LSAMP: variants seen among roughly 807,000 people sequenced by gnomAD.
LSAMP encodes limbic system associated membrane protein.
A neutral mutation model predicts 38.6 loss-of-function variants in LSAMP; 7 were observed. The observed-to-expected ratio is 0.18, with a 90% CI of 0.10 to 0.34. The LOEUF is 0.34. Among genes scored for constraint, LSAMP ranks in the 10% least tolerant of loss-of-function variants. LSAMP has a pLI of 1.00. For synonymous variants in LSAMP, 154 were observed against 166.8 expected (o/e 0.92, Z 0.59); for missense variants, 313 against 420.0 (o/e 0.75, Z 2.23).
At chr3:115,908,996 C>T (rs1030831794) in intron 3 of LSAMP, among the ~76,000 whole-genome samples, 13 of 152,166 alleles carry the variant, frequency 8.5e-5, no homozygotes, top group African/African-American at 3.1e-4. Context: ...ATTTAGATAA[C>T]ATAACTTTTG....
At chr3:115,953,153 A>T (rs1456533535) in intron 3 of LSAMP, among the ~76,000 whole-genome samples, 1 of 152,098 alleles carries the variant, frequency 6.6e-6, no homozygotes, top group Non-Finnish European at 1.5e-5. Context: ...TCGTGTTTGC[A>T]TCTCAGATGT....
intron 1 of LSAMP, among the ~76,000 whole-genome samples, chr3:116,169,542 T>C (rs867012358): frequency 1.3e-5 from 2 of 152,160 alleles, no homozygotes; most frequent in African/African-American, 2.4e-5. Context: ...CAGTGAACAA[T>C]ACACAGCCCT....
chr3:116,273,707 T>TATATATATATATATATACACAC (rs1307543165), intron 1 of LSAMP, among the ~76,000 whole-genome samples: 27 of 102,592 alleles, frequency 2.6e-4, no homozygotes, highest in African/African-American at 7.5e-4. Flanking sequence ...TATATATATA[T>TATATATATATATATATACACAC]ACACACACAC....
Position 116,011,511 on chromosome 3 carries a change from G to A in LSAMP, c.514+8004C>T, listed in dbSNP as rs540369737. On this transcript the variant is annotated intron_variant, in intron 3 of 6. Transcript: ENST00000490035. ...TGATCACTTGAATTAGGCATTTAAT[G>A]TCATGTTAAGTAGTTTGAACTTTAT... Among the ~76,000 whole-genome samples, 16 of 152,158 alleles carry A rather than the reference G, an allele frequency of 1.1e-4. No homozygotes were observed. In the East Asian group the frequency reaches 3.1e-3, roughly 29 times the overall value.
chr3:116,406,490 C>CT (rs1414654741), intron 1 of LSAMP, among the ~76,000 whole-genome samples: 3 of 151,946 alleles, frequency 2.0e-5, no homozygotes, highest in Non-Finnish European at 2.9e-5. Flanking sequence ...CTCTGAGCCT[C>CT]TTTTTTTACT....
intron 4 of LSAMP, among the ~76,000 whole-genome samples, chr3:115,843,176 A>C (rs1935048860): frequency 6.6e-6 from 1 of 152,192 alleles, no homozygotes; most frequent in Non-Finnish European, 1.5e-5. Context: ...AGGTAAATTT[A>C]GCTTTTATGT....
intron 3 of LSAMP, among the ~76,000 whole-genome samples, chr3:115,960,428 G>T (rs1322109097): frequency 6.6e-6 from 1 of 152,114 alleles, no homozygotes; most frequent in African/African-American, 2.4e-5. Flanking sequence ...CAGAGAACAG[G>T]CTTTTCTCTA....
chr3:115,982,686 C>T (rs1939397030), intron 3 of LSAMP, among the ~76,000 whole-genome samples: 1 of 152,062 alleles, frequency 6.6e-6, no homozygotes, highest in Admixed American at 6.6e-5. Flanking sequence ...AGCCTCCATC[C>T]CCCATTCCTC....
intron 1 of LSAMP, among the ~76,000 whole-genome samples, chr3:116,243,892 A>G (rs1377831965): frequency 6.6e-6 from 1 of 152,182 alleles, no homozygotes; most frequent in Non-Finnish European, 1.5e-5. Flanking sequence ...TTGTATTTCT[A>G]AATTATTAAT....
chr3:115,861,154 C>T (rs28438977), intron 3 of LSAMP, among the ~76,000 whole-genome samples: 19 of 68,588 alleles, frequency 2.8e-4, no homozygotes, highest in African/African-American at 1.1e-3. Flanking sequence ...TCCTTCCTTC[C>T]TTCCTTCCTT....
chr3:115,822,017 C>T (rs896869134), intron 6 of LSAMP, among the ~76,000 whole-genome samples: 4 of 152,194 alleles, frequency 2.6e-5, no homozygotes, highest in East Asian at 3.8e-4. Flanking sequence ...ACTTTGAAAG[C>T]TATTAACTTC....
At chr3:116,244,019 C>T (rs963156285) in intron 1 of LSAMP, among the ~76,000 whole-genome samples, 1 of 152,140 alleles carries the variant, frequency 6.6e-6, no homozygotes, top group Admixed American at 6.5e-5. Flanking sequence ...TAGTAGGTTT[C>T]CTAAACTTTT....
At position 116,026,927 on chromosome 3, in the gene LSAMP, GAACAT is replaced by G. The variant is rs34077565; in HGVS notation, c.389-7292_389-7288del. Among the ~76,000 whole-genome samples, 1,412 of 152,298 alleles carry G rather than the reference GAACAT, an allele frequency of 9.3e-3. 22 individuals carry two copies. Among genetic ancestry groups the G allele is most frequent in the African/African-American group, 0.03 (1,263 of 41,552 alleles). On this transcript the variant is annotated intron_variant, in intron 2 of 6. Transcript: ENST00000490035. Reference sequence around the variant, plus strand: ...TATGCCTCTGCCATTGCCACGAGAAGAACATACTCAGCTGAGCCTCTTAATCCCAG... The same window carrying G: ...TATGCCTCTGCCATTGCCACGAGAAGACTCAGCTGAGCCTCTTAATCCCAG...
At chr3:115,816,215 T>A (rs1397803954) in intron 6 of LSAMP, among the ~76,000 whole-genome samples, 1 of 152,112 alleles carries the variant, frequency 6.6e-6, no homozygotes, top group East Asian at 1.9e-4. Flanking sequence ...TTAGGGTCTG[T>A]TTTATGAAGC....
intron 1 of LSAMP, among the ~76,000 whole-genome samples, chr3:116,104,414 AT>A (rs1053064639): frequency 3.3e-5 from 5 of 151,556 alleles, no homozygotes; most frequent in Non-Finnish European, 7.4e-5. Context: ...AAAAAAAAAA[AT>A]CAACCACCCA....
chr3:116,036,185 T>C (rs1941041202), intron 2 of LSAMP, among the ~76,000 whole-genome samples: 1 of 152,298 alleles, frequency 6.6e-6, no homozygotes, highest in South Asian at 2.1e-4. Flanking sequence ...AACTTTTATT[T>C]AGGAGTGTAT....
intron 1 of LSAMP, among the ~76,000 whole-genome samples, chr3:116,346,327 CTT>C (rs11391341): frequency 2.1e-5 from 3 of 142,278 alleles, no homozygotes; most frequent in African/African-American, 5.1e-5. Flanking sequence ...TTAGTTTTAT[CTT>C]TTTTTTTTTT....
At chr3:115,848,713 G>A (rs1182931248) in intron 4 of LSAMP, among the ~76,000 whole-genome samples, 15 of 152,206 alleles carry the variant, frequency 9.9e-5, no homozygotes, top group Admixed American at 9.8e-4. Context: ...TGAATTCAAA[G>A]AGACAGACAA....
chr3:115,841,961 C>T lies in LSAMP; in HGVS notation c.803G>A (p.Ser268Asn), dbSNP rs1302093261. The change falls in exon 6 of 7, where the codon AGC becomes AAC. Residue 268 changes from serine (S) to asparagine (N), a missense_variant. By Grantham distance (46) the Ser-to-Asn change is conservative (BLOSUM62 1). Coordinates refer to ENST00000490035, the MANE Select transcript of LSAMP (RefSeq NM_002338.5). Reference protein sequence around the residue: ...INSANGLEIKSTEGQSSLTVT... With the variant: ...INSANGLEIKNTEGQSSLTVT... ...CGTCAGGGAAGACTGGCCCTCCGTG[C>T]TCTTAATCTCAAGGCCATTGGCACT... is the stretch of plus-strand genomic sequence containing the variant. The T allele has an allele frequency of 6.2e-7, 1 of 1,613,420 alleles. No individual in the cohort carries two copies. Among genetic ancestry groups the T allele is most frequent in the Non-Finnish European group, 8.5e-7 (1 of 1,179,966 alleles).
Sources: allele counts gnomAD v4.1 joint callset (sites outside exome capture counted in the v4.1 genomes callset), GRCh38; gene constraint gnomAD v4.1.1; transcripts MANE v1.5; gene names NCBI Gene and HGNC (gene_info 2026-07-23, HGNC 2026-07-21).